MAP3K15: variants seen among roughly 807,000 people sequenced by gnomAD.
MAP3K15 encodes the protein mitogen-activated protein kinase kinase kinase 15.
Under a neutral mutation model 99.5 loss-of-function variants are expected in MAP3K15, and 124 were observed. The observed-to-expected ratio is 1.25, with a 90% confidence interval of 1.08 to 1.45. MAP3K15 has a LOEUF of 1.45. MAP3K15 is among the 40% of genes most tolerant of loss of function. MAP3K15 has a pLI of 0.00. For missense variants in MAP3K15, 1,242 were observed against 1,079.7 expected (o/e 1.15, Z -2.11); for synonymous variants, 494 against 439.6 (o/e 1.12, Z -1.55).
intron 6 of MAP3K15, among the ~76,000 whole-genome samples, chrX:19,447,161 T>C (rs2064004244): frequency 1.8e-5 from 2 of 111,419 alleles, no homozygotes; most frequent in South Asian, 3.8e-4. Context: ...CAGGAGTTGC[T>C]GGGATTACAG....
intron 18 of MAP3K15, among the ~76,000 whole-genome samples, chrX:19,382,739 C>T (rs899653411): frequency 9.0e-6 from 1 of 111,567 alleles, no homozygotes; most frequent in African/African-American, 3.3e-5. Flanking sequence ...AGGGAACATC[C>T]GATGACACAA....
chrX:19,448,106 C>A (rs6633263), intron 6 of MAP3K15, among the ~76,000 whole-genome samples: 9 of 105,045 alleles, frequency 8.6e-5, no homozygotes, highest in Non-Finnish European at 1.6e-4. Flanking sequence ...CCTCAGGCAG[C>A]GGGCGAGAAG....
Position 19,422,729 on chromosome X carries a change from G to T in MAP3K15, c.1439+2802C>A, listed in dbSNP as rs761510882. ...TGCTGCTATAAAGACTCATGCACAG[G>T]TATGTTTATAGTGGCACTATTCACA... On this transcript the variant is annotated intron_variant, in intron 9 of 28. Coordinates refer to ENST00000338883, the MANE Select transcript of MAP3K15 (RefSeq NM_001001671.4). 5.4e-5 allele frequency among the ~76,000 whole-genome samples: 6 copies of T among 111,831 alleles called. No homozygotes were observed. The South Asian group carries it at 1.9e-3, about 35-fold the overall frequency.
intron 20 of MAP3K15, among the ~76,000 whole-genome samples, 153 bp downstream of exon 20, chrX:19,374,324 G>A (rs888735034): frequency 9.0e-6 from 1 of 111,629 alleles, no homozygotes; most frequent in Non-Finnish European, 1.9e-5. Context: ...CAAACCTACT[G>A]CACAGGCCCC....
At chrX:19,451,279 C>CAAA (rs774870935) in intron 6 of MAP3K15, among the ~76,000 whole-genome samples, 4 of 28,628 alleles carry the variant, frequency 1.4e-4, no homozygotes, top group African/African-American at 2.6e-4. Flanking sequence ...AGTCAGTTTC[C>CAAA]AAAAAAAAAA....
chrX:19,398,126 C>G (rs1216927029), intron 15 of MAP3K15, 100 bp downstream of exon 15: 3 of 887,022 alleles, frequency 3.4e-6, no homozygotes, highest in Non-Finnish European at 3.1e-6. Flanking sequence ...TGTGGTAACA[C>G]AATGCTTTTG....
intron 13 of MAP3K15, among the ~76,000 whole-genome samples, chrX:19,406,850 C>T (rs373779482): frequency 6.1e-4 from 68 of 111,983 alleles, no homozygotes; most frequent in African/African-American, 1.6e-3. Flanking sequence ...TACAGGCATG[C>T]GCCACCACAC....
intron 6 of MAP3K15, among the ~76,000 whole-genome samples, chrX:19,447,600 G>A (rs902008603): frequency 6.4e-5 from 7 of 109,915 alleles, no homozygotes; most frequent in Non-Finnish European, 1.1e-4. Flanking sequence ...ACTCACCCAC[G>A]AGGCCGGGCG....
chrX:19,366,170 G>A (rs2063333618), intron 25 of MAP3K15, among the ~76,000 whole-genome samples: 1 of 110,750 alleles, frequency 9.0e-6, no homozygotes, highest in South Asian at 3.8e-4. Context: ...AACAGCAGAG[G>A]AAATATTGGC....
chrX:19,468,766 A>G (rs1267050748), intron 3 of MAP3K15, among the ~76,000 whole-genome samples: 2 of 111,472 alleles, frequency 1.8e-5, no homozygotes, highest in East Asian at 5.6e-4. Context: ...ATGTTCTTCC[A>G]TTTGTTTGTA....
At chrX:19,431,854 G>A (rs145624029) in intron 6 of MAP3K15, among the ~76,000 whole-genome samples, 2,695 of 109,982 alleles carry the variant, frequency 0.025, 85 homozygotes, top group African/African-American at 0.081. Flanking sequence ...TGAGGCAGGA[G>A]AATCACTTGA....
At chrX:19,491,498 C>T (rs1300397789) in intron 1 of MAP3K15, among the ~76,000 whole-genome samples, 2 of 109,207 alleles carry the variant, frequency 1.8e-5, no homozygotes, top group African/African-American at 6.7e-5. Context: ...TATGGGGGAT[C>T]AAAGGGAAGG....
At position 19,490,834 on chromosome X, in the gene MAP3K15, T is replaced by C. The variant is rs140506439; in HGVS notation, c.362-1867A>G. ...CTATTCAAAACAGAGGAGCAACTTATTACATGAATAATGAGCATGTTTAAA... is the reference window on the plus strand; with the variant it reads ...CTATTCAAAACAGAGGAGCAACTTACTACATGAATAATGAGCATGTTTAAA... On this transcript the variant is annotated intron_variant, in intron 1 of 28. Transcript: ENST00000338883. 9.1e-3 allele frequency among the ~76,000 whole-genome samples: 1,011 copies of C among 111,292 alleles called. 2 individuals carry two copies. Among genetic ancestry groups the C allele is most frequent in the Middle Eastern group, 0.033 (7 of 214 alleles).
chrX:19,376,331 C>T (rs760280627), intron 19 of MAP3K15, among the ~76,000 whole-genome samples: 16 of 110,685 alleles, frequency 1.4e-4, no homozygotes, highest in Non-Finnish European at 2.5e-4. Flanking sequence ...GGTCTGCGGG[C>T]GGTCTCTGGC....
chrX:19,504,186 A>T (rs184652149), intron 1 of MAP3K15, among the ~76,000 whole-genome samples: 1 of 111,092 alleles, frequency 9.0e-6, no homozygotes, highest in African/African-American at 3.3e-5. Context: ...TTTTAGCAGA[A>T]TGCATGACAA....
intron 3 of MAP3K15, among the ~76,000 whole-genome samples, chrX:19,470,406 TGG>T (rs1163196431): frequency 9.5e-6 from 1 of 105,009 alleles, no homozygotes; most frequent in Non-Finnish European, 2.0e-5. Context: ...TGTTGTGGGG[TGG>T]GGGGAGCAGG....
At chrX:19,365,507 C>T (rs1300454457) in intron 25 of MAP3K15, among the ~76,000 whole-genome samples, 1 of 112,590 alleles carries the variant, frequency 8.9e-6, no homozygotes, top group Admixed American at 9.4e-5. Context: ...ATGTTAAATA[C>T]ATTTGCATGC....
chrX:19,498,538 T>C (rs570005158), intron 1 of MAP3K15, among the ~76,000 whole-genome samples: 2 of 112,289 alleles, frequency 1.8e-5, no homozygotes, highest in African/African-American at 6.5e-5. Context: ...GACACAATGA[T>C]AGAAGACATG....
rs777553980 is a variant in MAP3K15 at position 19,456,922 on chromosome X, G to A, written c.986C>T (p.Ala329Val). The change falls in exon 6 of 29, where the codon GCA (alanine) becomes GTA (valine). Residue 329 changes from alanine (A) to valine (V), a missense_variant. Ala to Val is a moderately conservative substitution (Grantham distance 64). Transcript: ENST00000338883. ...ACATTATCGTTCTTACCTATTCAGT[G>A]CAAACGCATAGTGGAATTTAATGTT... ...QHNIKFHYAF[A>V]LNRRNSTGDR... 2.5e-6 allele frequency: 3 copies of A among 1,187,625 alleles called. No homozygotes were observed. The highest frequency in any genetic ancestry group is 3.5e-5 in the African/African-American group (2 of 56,997).
Sources: gnomAD v4.1 joint callset for allele counts (sites outside exome capture counted in the v4.1 genomes callset) on GRCh38, gnomAD v4.1.1 for gene constraint, MANE v1.5 for transcripts, NCBI Gene and HGNC (gene_info 2026-07-23, HGNC 2026-07-21) for gene names.